The following CFB variants were observed in gnomAD, a reference collection of about 807,000 sequenced individuals.
The protein encoded by CFB is complement factor B.
In CFB, 59 loss-of-function variants were observed where a neutral mutation model predicts 97.2. The ratio of observed to expected loss-of-function variants is 0.61; its 90% CI spans 0.49 to 0.75. The LOEUF (loss-of-function observed/expected upper bound fraction) is 0.75, where lower values mean the gene tolerates loss of function less well. Ranked by LOEUF, CFB falls within the 30% of genes least tolerant of loss-of-function variation. The pLI is 0.00. For missense variants in CFB, 771 were observed against 959.8 expected (o/e 0.80, Z 2.60); for synonymous variants, 316 against 351.7 (o/e 0.90, Z 1.14).
rs370280134 is a variant in CFB at position 31,947,561 on chromosome 6, T to A, written c.658+40T>A. 8.8e-5 allele frequency: 142 copies of A among 1,611,596 alleles called. No homozygotes were observed. Among genetic ancestry groups the A allele is most frequent in the Non-Finnish European group, 1.1e-4 (127 of 1,179,142 alleles). ...GTACCCCCAGGTCAGATCCTGGTCT[T>A]CCATCCTACTGTCTTCTCTCCCCAC... On this transcript the variant is annotated intron_variant, in intron 4 of 17. Transcript: ENST00000425368. The surrounding 1 kb of genome is among the most constrained non-coding windows in gnomAD (Gnocchi z 5.3).
rs1771453386 is a variant in CFB, at chr6:31,946,834, A to G, written c.299-173A>G. On this transcript the variant is annotated intron_variant, in intron 2 of 17. Coordinates refer to ENST00000425368, the MANE Select transcript of CFB (RefSeq NM_001710.6). This position sits in a 1 kb window ranked among gnomAD's most constrained non-coding sequence, Gnocchi z 6.4. ...CTGGAAGTCAAGAGAACACTCAGAA[A>G]TGGGGAGGGAGAAGCAGTGGAAATC... is the stretch of plus-strand genomic sequence containing the variant. The G allele has an allele frequency of 1.3e-6, 1 of 797,082 alleles. No individual in the cohort carries two copies. Among genetic ancestry groups the G allele is most frequent in the Non-Finnish European group, 2.1e-6 (1 of 473,918 alleles). The allele number at this position is 797,082 out of a possible 1,614,324, so 49.4% of individuals were successfully genotyped here. A position where few individuals can be genotyped will look rare whatever the true frequency, so the allele number is the denominator to read the frequency against.
At position 31,947,781 on chromosome 6, in the gene CFB, C is replaced by G. The variant is rs751630237; in HGVS notation, c.698C>G (p.Ala233Gly). Reference sequence around the variant, plus strand: ...GACACCCCTCAAGAGGTGGCCGAAGCTTTCCTGTCTTCCCTGACAGAGACC... The same window carrying G: ...GACACCCCTCAAGAGGTGGCCGAAGGTTTCCTGTCTTCCCTGACAGAGACC... Reference protein sequence around the residue: ...MYDTPQEVAEAFLSSLTETIE... With the variant: ...MYDTPQEVAEGFLSSLTETIE... Residue 233 changes from alanine (A) to glycine (G), a missense_variant, in exon 5 of 18, where the codon GCT becomes GGT. Transcript: ENST00000425368. This position sits in a 1 kb window ranked among gnomAD's most constrained non-coding sequence, Gnocchi z 5.3. 2 of 1,613,354 alleles carry G rather than the reference C, an allele frequency of 1.2e-6. No homozygotes were observed. The highest frequency in any genetic ancestry group is 1.7e-5 in the Admixed American group (1 of 60,022).
At position 31,947,304 on chromosome 6, in the gene CFB, G is replaced by T; in HGVS notation, c.485-44G>T. ...TCTTGCTCTCTACCTTGCTCACGGG[G>T]CCTCAGGCTTCAGTGCTTACCTCGA... On this transcript the variant is annotated intron_variant, in intron 3 of 17. Coordinates refer to ENST00000425368, the MANE Select transcript of CFB (RefSeq NM_001710.6). The surrounding 1 kb of genome is among the most constrained non-coding windows in gnomAD (Gnocchi z 5.3). The T allele has an allele frequency of 6.2e-7, 1 of 1,612,356 alleles. No homozygotes were observed. The highest frequency in any genetic ancestry group is 8.5e-7 in the Non-Finnish European group (1 of 1,179,914).
At position 31,948,058 on chromosome 6, in the gene CFB, T is replaced by C; in HGVS notation, c.874T>C (p.Cys292Arg). 1 of 1,614,136 alleles carries C rather than the reference T, an allele frequency of 6.2e-7. No individual in the cohort carries two copies. Among genetic ancestry groups the C allele is most frequent in the Non-Finnish European group, 8.5e-7 (1 of 1,180,024 alleles). Residue 292 changes from cysteine to arginine, a missense_variant, in exon 6 of 18, where the codon TGT (cysteine) becomes CGT (arginine). Transcript: ENST00000425368. ...CAGCAACTTCACAGGAGCCAAAAAG[T>C]GTCTAGTCAACTTAATTGAGAAGGT... ...GASNFTGAKKCLVNLIEKVAS... is the reference protein window; with the variant it reads ...GASNFTGAKKRLVNLIEKVAS...
At position 31,951,141 on chromosome 6, in the gene CFB, C is replaced by T. The variant is rs112490433; in HGVS notation, c.1856-3C>T. On this transcript the variant is annotated splice_polypyrimidine_tract_variant and splice_region_variant and intron_variant, in intron 14 of 17. Transcript: ENST00000425368. The surrounding 1 kb of genome is among the most constrained non-coding windows in gnomAD (Gnocchi z 4.3). ...GCTGAAGTGACGCAGTCTATTCGTC[C>T]AGAGGAAGAGCTGCTCCCTGCACAG... 1 of 1,612,742 alleles carries T rather than the reference C, an allele frequency of 6.2e-7. No individual in the cohort carries two copies. Among genetic ancestry groups the T allele is most frequent in the Non-Finnish European group, 8.5e-7 (1 of 1,179,838 alleles).
chr6:31,948,583 CT>C, intron 7 of CFB, 71 bp downstream of exon 7: 1 of 1,603,966 alleles, frequency 6.2e-7, no homozygotes, highest in Non-Finnish European at 8.5e-7. Context: ...GGTCATGAGA[CT>C]ACCTTGAGGG....
intron 7 of CFB, 58 bp downstream of exon 7, chr6:31,948,570 G>A (rs1771576112): frequency 2.5e-6 from 4 of 1,610,320 alleles, no homozygotes; most frequent in Non-Finnish European, 3.4e-6. Context: ...TCAGGGTGGA[G>A]GGGGTCATGA....
Position 31,947,996 on chromosome 6 carries a change from T to A in CFB, c.812T>A (p.Ile271Asn). 6.2e-7 allele frequency: 1 copy of A among 1,614,142 alleles called. No homozygotes were observed. The highest frequency in any genetic ancestry group is 8.5e-7 in the Non-Finnish European group (1 of 1,180,020). Residue 271 changes from isoleucine to asparagine, a missense_variant, in exon 6 of 18, where the codon ATC (isoleucine) becomes AAC (asparagine). Coordinates refer to ENST00000425368, the MANE Select transcript of CFB (RefSeq NM_001710.6). The surrounding 1 kb of genome is among the most constrained non-coding windows in gnomAD (Gnocchi z 5.3). ...IVLDPSGSMN[I>N]YLVLDGSDSI... ...CTGGACCCTTCAGGCTCCATGAACA[T>A]CTACCTGGTGCTAGATGGATCAGAC... is the stretch of plus-strand genomic sequence containing the variant.
At chr6:31,949,046 C>T (rs185387260) in intron 8 of CFB, 85 bp downstream of exon 8, 2 of 1,593,966 alleles carry the variant, frequency 1.3e-6, no homozygotes, top group African/African-American at 1.3e-5. Flanking sequence ...AACACTATAC[C>T]CATGGTTGGG....
chr6:31,948,374 G>A lies in CFB; in HGVS notation c.898G>A (p.Val300Met). The A allele has an allele frequency of 6.2e-7, 1 of 1,614,178 alleles. No homozygotes were observed. The highest frequency in any genetic ancestry group is 1.7e-5 in the Admixed American group (1 of 60,020). Residue 300 changes from valine to methionine, a missense_variant and splice_region_variant, in exon 7 of 18, where the codon GTG becomes ATG. By Grantham distance (21) the Val-to-Met change is conservative. Coordinates refer to ENST00000425368, the MANE Select transcript of CFB (RefSeq NM_001710.6). ...GGCGCCTTGTTCTCCTCACCCACAG[G>A]TGGCAAGTTATGGTGTGAAGCCAAG... ...KKCLVNLIEK[V>M]ASYGVKPRYG...
rs562194823 is a variant in CFB at position 31,951,226 on chromosome 6, C to T, written c.1938C>T (p.Tyr646=). The T allele has an allele frequency of 6.8e-6, 11 of 1,613,034 alleles. No individual in the cohort carries two copies. Among genetic ancestry groups the T allele is most frequent in the Admixed American group, 5.0e-5 (3 of 60,006 alleles). ...AAAAGCTGACTCGGAAGGAGGTCTA[C>T]ATCAAGAATGGGGATAAGGTGAGAA... ...EEKKLTRKEV[Y]IKNGDKKGSC... is the part of the protein sequence containing the mutation. Residue 646 remains tyrosine (Y), a synonymous_variant, in exon 15 of 18, where the codon TAC becomes TAT. Coordinates refer to ENST00000425368, the MANE Select transcript of CFB (RefSeq NM_001710.6). The surrounding 1 kb of genome is among the most constrained non-coding windows in gnomAD (Gnocchi z 4.3).
chr6:31,948,731 A>G, intron 7 of CFB, 99 bp from the exon 8 acceptor site: 1 of 1,598,562 alleles, frequency 6.3e-7, no homozygotes, highest in Non-Finnish European at 8.6e-7. Flanking sequence ...ATTAACTTAA[A>G]AAGTTGAAAG....
At position 31,948,927 on chromosome 6, in the gene CFB, C is replaced by CCG; in HGVS notation, c.1136_1137dup (p.Thr380AlafsTer9). The CCG allele has an allele frequency of 6.2e-7, 1 of 1,612,824 alleles. No homozygotes were observed. ...ATGACGTCCCTCCTGAAGGCTGGAA[C>CCG]CGCACCCGCCATGTCATCATCCTCA... On this transcript the variant is annotated frameshift_variant, in exon 8 of 18. Coordinates refer to ENST00000425368, the MANE Select transcript of CFB (RefSeq NM_001710.6). LOFTEE classifies it high-confidence loss of function.
chr6:31,948,356 T>C lies in CFB; in HGVS notation c.898-18T>C, dbSNP rs763993610. 6.2e-7 allele frequency: 1 copy of C among 1,614,168 alleles called. No homozygotes were observed. Among genetic ancestry groups the C allele is most frequent in the East Asian group, 2.2e-5 (1 of 44,882 alleles). On this transcript the variant is annotated intron_variant, in intron 6 of 17. Transcript: ENST00000425368. ...TTCTATTTTCAATGCCATGGCGCCT[T>C]GTTCTCCTCACCCACAGGTGGCAAG...
intron 11 of CFB, 57 bp downstream of exon 11, chr6:31,950,204 G>C: frequency 6.2e-7 from 1 of 1,606,134 alleles, no homozygotes; most frequent in Non-Finnish European, 8.5e-7. Context: ...AGGTGAAATG[G>C]GAGTAGGGGA....
rs558604744 is a variant in CFB, at chr6:31,949,458, G to C, written c.1309G>C (p.Val437Leu). ...VFGVGPLVNQ[V>L]NINALASKKD... ...TGGGGTCGGGCCTTTGGTGAACCAA[G>C]TGAACATCAATGCTTTGGCTTCCAA... Residue 437 changes from valine (V) to leucine (L), a missense_variant, in exon 10 of 18, where the codon GTG becomes CTG. Physicochemically the swap from Val to Leu is conservative, Grantham distance 32. Transcript: ENST00000425368. 1.2e-6 allele frequency: 2 copies of C among 1,614,184 alleles called. No homozygotes were observed. The highest frequency in any genetic ancestry group is 1.7e-6 in the Non-Finnish European group (2 of 1,180,048).
rs1189108344 is a variant in CFB, at chr6:31,947,036, G to A, written c.328G>A (p.Glu110Lys). The A allele has an allele frequency of 6.2e-7, 1 of 1,612,936 alleles. No individual in the cohort carries two copies. The highest frequency in any genetic ancestry group is 8.5e-7 in the Non-Finnish European group (1 of 1,180,012). Reference sequence around the variant, plus strand: ...CCACTGTCCAAGACCACACGACTTCGAGAACGGGGAATACTGGCCCCGGTC... The same window carrying A: ...CCACTGTCCAAGACCACACGACTTCAAGAACGGGGAATACTGGCCCCGGTC... ...AIHCPRPHDF[E>K]NGEYWPRSPY... is the part of the protein sequence containing the mutation. Residue 110 changes from glutamate (E) to lysine (K), a missense_variant, in exon 3 of 18, where the codon GAG becomes AAG. Physicochemically the swap from Glu to Lys is moderately conservative, Grantham distance 56. Transcript: ENST00000425368. The surrounding 1 kb of genome is among the most constrained non-coding windows in gnomAD (Gnocchi z 5.3).
chr6:31,951,346 C>A lies in CFB; in HGVS notation c.1962C>A (p.Gly654=). The change falls in exon 16 of 18, where the codon GGC becomes GGA. Residue 654 remains glycine (G), a synonymous_variant. Transcript: ENST00000425368. This position sits in a 1 kb window ranked among gnomAD's most constrained non-coding sequence, Gnocchi z 4.3. The part of the protein sequence containing the change: ...EVYIKNGDKK[G]SCERDAQYAP... The stretch of plus-strand genomic sequence containing the variant: ...GCTTCCCACCTCCCCTACAGAAAGG[C>A]AGCTGTGAGAGAGATGCTCAATATG... 1 of 1,614,194 alleles carries A rather than the reference C, an allele frequency of 6.2e-7. No homozygotes were observed. Among genetic ancestry groups the A allele is most frequent in the South Asian group, 1.1e-5 (1 of 91,086 alleles).
chr6:31,947,910 A>G lies in CFB; in HGVS notation c.761-35A>G, dbSNP rs1310987623. ...AAAATGGAGAAGGGACAGAACTGTT[A>G]ATGCTGGAGCCTGAGCCACTCTCCT... On this transcript the variant is annotated intron_variant, in intron 5 of 17. Coordinates refer to ENST00000425368, the MANE Select transcript of CFB (RefSeq NM_001710.6). This position sits in a 1 kb window ranked among gnomAD's most constrained non-coding sequence, Gnocchi z 5.3. 1.2e-6 allele frequency: 2 copies of G among 1,614,026 alleles called. No individual in the cohort carries two copies. The highest frequency in any genetic ancestry group is 1.7e-5 in the Admixed American group (1 of 59,990).
Sources: gnomAD v4.1 joint callset for allele counts on GRCh38, gnomAD v4.1.1 for gene constraint, Gnocchi (gnomAD v3.1) non-coding constraint, MANE v1.5 for transcripts, NCBI Gene and HGNC (gene_info 2026-07-23, HGNC 2026-07-21) for gene names.